The following PPP6R2 variants were observed in gnomAD, a reference collection of about 807,000 sequenced individuals.
PPP6R2 encodes the protein protein phosphatase 6 regulatory subunit 2.
Under a neutral mutation model 100.2 loss-of-function variants are expected in PPP6R2, and 62 were observed. That is an observed-to-expected ratio of 0.62 (90% CI 0.50 to 0.76). The LOEUF (loss-of-function observed/expected upper bound fraction) is 0.76, where lower values mean the gene tolerates loss of function less well. PPP6R2 is among the 30% of genes least tolerant of loss of function. The pLI is 0.00. For synonymous variants in PPP6R2, 525 were observed against 514.7 expected (o/e 1.02, Z -0.27); for missense variants, 1,142 against 1,276.3 (o/e 0.89, Z 1.60).
intron 1 of PPP6R2, among the ~76,000 whole-genome samples, chr22:50,362,474 C>T (rs951817326): frequency 3.3e-5 from 5 of 152,102 alleles, no homozygotes; most frequent in South Asian, 2.1e-4. Context: ...CTTCTCAGCC[C>T]GTCGCTGAGT....
intron 3 of PPP6R2, among the ~76,000 whole-genome samples, chr22:50,401,408 C>T (rs1385848657): frequency 6.6e-5 from 10 of 151,214 alleles, no homozygotes; most frequent in African/African-American, 1.7e-4. Context: ...GGGATTTCAC[C>T]GTGTTAGCCA....
the PPP6R2 span, among the ~76,000 whole-genome samples, chr22:50,331,597 A>G: frequency 4.2e-5 from 6 of 144,270 alleles, no homozygotes; most frequent in Non-Finnish European, 7.7e-5. Context: ...AAAAATGTTT[A>G]TGCAGCTTTT....
Position 50,438,591 on chromosome 22 carries a change from T to C in PPP6R2, c.1965-8T>C. On this transcript the variant is annotated splice_region_variant and splice_polypyrimidine_tract_variant and intron_variant, in intron 18 of 23. Coordinates refer to ENST00000612753, the MANE Select transcript of PPP6R2 (RefSeq NM_001242898.2). ...GCCACCAGACATCTGACTCTGAATCTCCCCCAGGTTTGGAGCCCCCCATGC... is the reference window on the plus strand; with the variant it reads ...GCCACCAGACATCTGACTCTGAATCCCCCCCAGGTTTGGAGCCCCCCATGC... 1 of 1,613,118 alleles carries C rather than the reference T, an allele frequency of 6.2e-7. No homozygotes were observed. The highest frequency in any genetic ancestry group is 1.1e-5 in the South Asian group (1 of 91,004).
At chr22:50,342,995 G>C (rs534915183), upstream of PPP6R2, among the ~76,000 whole-genome samples, 2 of 152,314 alleles carry the variant, frequency 1.3e-5, no homozygotes, top group Non-Finnish European at 2.9e-5. Flanking sequence ...CCTGCCCCAG[G>C]TGTGTGTCTC....
intron 2 of PPP6R2, among the ~76,000 whole-genome samples, chr22:50,387,956 A>G (rs984591942): frequency 1.1e-4 from 17 of 152,272 alleles, no homozygotes; most frequent in African/African-American, 4.1e-4. Flanking sequence ...AGATCATGTG[A>G]GTGGCCTCAG....
intron 2 of PPP6R2, among the ~76,000 whole-genome samples, chr22:50,379,816 A>G (rs150272161): frequency 4.9e-4 from 75 of 152,080 alleles, no homozygotes; most frequent in African/African-American, 1.8e-3. Context: ...GGAAGTTGAC[A>G]TTGCCGTGAT....
intron 17 of PPP6R2, 86 bp downstream of exon 17, chr22:50,437,986 G>A (rs559417490): frequency 2.2e-4 from 335 of 1,539,164 alleles, no homozygotes; most frequent in Non-Finnish European, 2.9e-4. Context: ...TCATGGGCCT[G>A]TGCGGTGGGG....
At chr22:50,406,899 T>C in intron 4 of PPP6R2, 24 bp downstream of exon 4, 1 of 1,600,060 alleles carries the variant, frequency 6.2e-7, no homozygotes. Flanking sequence ...AAAGCCTCCG[T>C]GACTTGGGGC....
intron 7 of PPP6R2, among the ~76,000 whole-genome samples, 157 bp downstream of exon 7, chr22:50,419,136 TTCCAGAGGGAGGGGTC>T (rs1486744366): frequency 1.3e-5 from 2 of 152,336 alleles, no homozygotes; most frequent in Non-Finnish European, 2.9e-5. Flanking sequence ...TGGGGCCTGT[TTCCAGAGGGAGGGGTC>T]TCCAGAGGAG....
chr22:50,333,363 G>A, the PPP6R2 span, among the ~76,000 whole-genome samples: 1 of 148,718 alleles, frequency 6.7e-6, no homozygotes, highest in Non-Finnish European at 1.5e-5. Context: ...TTGAGACGGA[G>A]TCTCGCTCTG....
intron 2 of PPP6R2, among the ~76,000 whole-genome samples, chr22:50,381,079 A>C (rs1431746933): frequency 6.9e-6 from 1 of 145,976 alleles, no homozygotes; most frequent in Non-Finnish European, 1.5e-5. Context: ...ACGCCATTGC[A>C]CTCCAGCCTG....
At chr22:50,389,398 G>A (rs986269370) in intron 2 of PPP6R2, among the ~76,000 whole-genome samples, 5 of 152,132 alleles carry the variant, frequency 3.3e-5, no homozygotes, top group African/African-American at 1.2e-4. Context: ...TAGTTGTGCA[G>A]ATAGGAGAAA....
At chr22:50,404,777 G>A (rs748803897) in intron 3 of PPP6R2, among the ~76,000 whole-genome samples, 1 of 152,064 alleles carries the variant, frequency 6.6e-6, no homozygotes, top group Non-Finnish European at 1.5e-5. Flanking sequence ...GACACAGAGA[G>A]GACAGGTCAC....
Position 50,437,896 on chromosome 22 carries a change from A to T in PPP6R2, c.1835A>T (p.Asp612Val). Residue 612 changes from aspartate (D) to valine (V), a missense_variant, in exon 17 of 24, where the codon GAC becomes GTC. Asp to Val is a radical substitution (Grantham distance 152). Coordinates refer to ENST00000612753, the MANE Select transcript of PPP6R2 (RefSeq NM_001242898.2). The stretch of plus-strand genomic sequence containing the variant: ...AACTTCAACATCGACGCTGACGAGG[A>T]CAGTGTGAGCAAGCCGGGCTGTGTG... ...EINFNIDADEDSPSAALFEAC... is the reference protein window; with the variant it reads ...EINFNIDADEVSPSAALFEAC... The T allele has an allele frequency of 2.6e-6, 4 of 1,557,076 alleles. No homozygotes were observed. Among genetic ancestry groups the T allele is most frequent in the Non-Finnish European group, 3.5e-6 (4 of 1,150,324 alleles).
chr22:50,401,880 C>A (rs9616949), intron 3 of PPP6R2, among the ~76,000 whole-genome samples: 1 of 151,870 alleles, frequency 6.6e-6, no homozygotes, highest in Non-Finnish European at 1.5e-5. Context: ...GTGATCCGCC[C>A]GCCTTGTTCT....
chr22:50,437,495 C>T lies in PPP6R2; in HGVS notation c.1684-11C>T, dbSNP rs781773387. On this transcript the variant is annotated splice_polypyrimidine_tract_variant and intron_variant, in intron 15 of 23. Coordinates refer to ENST00000612753, the MANE Select transcript of PPP6R2 (RefSeq NM_001242898.2). ...TGTCTGTCCGTCCCTCCCTCCCTCC[C>T]TCCCTCCCAGGCCTTCTCTGACTAC... The T allele has an allele frequency of 9.6e-6, 12 of 1,255,078 alleles. No individual in the cohort carries two copies. The Admixed American group carries it at 1.2e-4, about 12-fold the overall frequency. The allele number at this position is 1,255,078 out of a possible 1,614,324, so 77.7% of individuals were successfully genotyped here. A position where few individuals can be genotyped will look rare whatever the true frequency, so the allele number is the denominator to read the frequency against.
At chr22:50,351,009 C>A (rs1305184077) in intron 1 of PPP6R2, among the ~76,000 whole-genome samples, 2 of 133,708 alleles carry the variant, frequency 1.5e-5, no homozygotes, top group Non-Finnish European at 3.1e-5. Flanking sequence ...TTTTTCTGAG[C>A]AGTAGGTCTC....
intron 9 of PPP6R2, 69 bp downstream of exon 9, chr22:50,422,449 G>T: frequency 1.3e-6 from 2 of 1,576,660 alleles, no homozygotes; most frequent in Non-Finnish European, 8.7e-7. Context: ...GCAGGGAGGA[G>T]AAGCCACAGC....
chr22:50,366,955 G>A (rs1014509760), intron 1 of PPP6R2, among the ~76,000 whole-genome samples: 24 of 151,602 alleles, frequency 1.6e-4, no homozygotes, highest in African/African-American at 4.8e-4. Context: ...AGTGTCTAGT[G>A]TCTTGAAAAC....
Sources: gnomAD v4.1 joint callset for allele counts (sites outside exome capture counted in the v4.1 genomes callset) on GRCh38, gnomAD v4.1.1 for gene constraint, MANE v1.5 for transcripts, NCBI Gene and HGNC (gene_info 2026-07-23, HGNC 2026-07-21) for gene names.